The following METAP1D variants were observed in gnomAD, a reference collection of about 807,000 sequenced individuals.
METAP1D encodes the protein methionyl aminopeptidase type 1D, mitochondrial, also known as methionine aminopeptidase 1D, mitochondrial.
In METAP1D, 31 loss-of-function variants were observed where a neutral mutation model predicts 40.5. The observed-to-expected ratio is 0.77, with a 90% confidence interval of 0.58 to 1.03. The LOEUF (loss-of-function observed/expected upper bound fraction) is 1.03, where lower values mean the gene tolerates loss of function less well. Ranked by LOEUF, METAP1D falls within the 50% of genes least tolerant of loss-of-function variation. The pLI is 0.00. For synonymous variants in METAP1D, 151 were observed against 146.4 expected (o/e 1.03, Z -0.22); for missense variants, 411 against 420.7 (o/e 0.98, Z 0.20).
intron 7 of METAP1D, 41 bp from the exon 8 acceptor site, chr2:172,079,174 C>A (rs1404509378): frequency 2.5e-6 from 4 of 1,606,724 alleles, no homozygotes; most frequent in Non-Finnish European, 3.4e-6. Context: ...TTCTGTCCTC[C>A]CCATTTCCTA....
chr2:172,024,403 C>T (rs563001037), intron 1 of METAP1D, among the ~76,000 whole-genome samples: 1 of 152,124 alleles, frequency 6.6e-6, no homozygotes, highest in Admixed American at 6.6e-5. Context: ...TAGTTACCTG[C>T]TGAAAGACCA....
intron 1 of METAP1D, among the ~76,000 whole-genome samples, chr2:172,047,624 C>A (rs933504040): frequency 6.6e-6 from 1 of 152,016 alleles, no homozygotes; most frequent in African/African-American, 2.4e-5. Flanking sequence ...CATAGAGATG[C>A]GGTTTCACCA....
intron 1 of METAP1D, among the ~76,000 whole-genome samples, chr2:172,046,499 T>C (rs1257027246): frequency 6.6e-6 from 1 of 152,226 alleles, no homozygotes. Flanking sequence ...TATTAAACTC[T>C]TCAAATGGTA....
intron 3 of METAP1D, 24 bp from the exon 4 acceptor site, chr2:172,065,580 C>T (rs1559018360): frequency 6.2e-7 from 1 of 1,610,588 alleles, no homozygotes; most frequent in Admixed American, 1.7e-5. Context: ...TGTTGCTGCA[C>T]AATTTCTTTA....
At position 172,043,000 on chromosome 2, in the gene METAP1D, CATAT is replaced by C. The variant is rs202246130; in HGVS notation, c.41-18495_41-18492del. 2.8e-4 allele frequency among the ~76,000 whole-genome samples: 30 copies of C among 106,748 alleles called. 6 individuals are homozygous for C. The highest frequency in any genetic ancestry group is 1.2e-3 in the Admixed American group (14 of 11,382). The allele number at this position is 106,748 out of a possible 152,430, so 70.0% of individuals were successfully genotyped here. On this transcript the variant is annotated intron_variant, in intron 1 of 9. Transcript: ENST00000315796. Reference sequence around the variant, plus strand: ...GCATACATATGTGTGCGTGTGTACACATATATGTGTATGTGTACACATATATGTG... The same window carrying C: ...GCATACATATGTGTGCGTGTGTACACATGTGTATGTGTACACATATATGTG...
chr2:172,036,693 T>C (rs1689398882), intron 1 of METAP1D, among the ~76,000 whole-genome samples: 1 of 151,978 alleles, frequency 6.6e-6, no homozygotes. Context: ...TTACAAACAG[T>C]CTGAGTATGT....
intron 1 of METAP1D, among the ~76,000 whole-genome samples, chr2:172,056,976 A>C (rs1048822457): frequency 6.6e-6 from 1 of 152,188 alleles, no homozygotes. Flanking sequence ...GATAAAAAAA[A>C]CTGACCTTGA....
intron 1 of METAP1D, among the ~76,000 whole-genome samples, chr2:172,019,272 A>T (rs1388749189): frequency 2.6e-5 from 4 of 152,032 alleles, no homozygotes; most frequent in African/African-American, 9.7e-5. Flanking sequence ...GGATCACTTG[A>T]GCTGCCACTG....
At chr2:172,021,818 G>A (rs901399887) in intron 1 of METAP1D, 1 of 152,206 alleles carries the variant, frequency 6.6e-6, no homozygotes, top group Admixed American at 6.5e-5. Context: ...GAGGAGAGGG[G>A]AAAGGAGGAA....
rs1476456813 is a variant in METAP1D, at chr2:172,081,514, C to G, written c.*1108C>G. On this transcript the variant is annotated 3_prime_UTR_variant, in exon 10 of 10. Transcript: ENST00000315796. ...AGGAACAGGAATCCAAGGGCCCACG[C>G]TCTGTCTGCCAAGGGCCATTCCTGC... 1.3e-5 allele frequency: 2 copies of G among 152,308 alleles called. No individual in the cohort carries two copies. Among genetic ancestry groups the G allele is most frequent in the Non-Finnish European group, 2.9e-5 (2 of 68,094 alleles). The allele number at this position is 152,308 out of a possible 1,614,324, so 9.4% of individuals were successfully genotyped here.
chr2:172,066,266 G>A lies in METAP1D; in HGVS notation c.500G>A (p.Arg167Gln), dbSNP rs746479147. Residue 167 changes from arginine (R) to glutamine (Q), a missense_variant and splice_region_variant, in exon 5 of 10, where the codon CGA becomes CAA. By Grantham distance (43) the Arg-to-Gln change is conservative. Transcript: ENST00000315796. Reference protein sequence around the residue: ...NVLCHGIPDSRPLQDGDIINI... With the variant: ...NVLCHGIPDSQPLQDGDIINI... ...TTTTTTTTCTGTTTACGTTTTAGTCGACCTCTTCAGGATGGAGATATTATC... is the reference window on the plus strand; with the variant it reads ...TTTTTTTTCTGTTTACGTTTTAGTCAACCTCTTCAGGATGGAGATATTATC... 4.7e-5 allele frequency: 76 copies of A among 1,607,208 alleles called. No homozygotes were observed. Among genetic ancestry groups the A allele is most frequent in the South Asian group, 1.3e-4 (12 of 89,846 alleles).
In METAP1D at chr2:172,080,135, C is replaced by A. The variant is rs766275364; in HGVS notation, c.858C>A (p.Ile286=). The A allele has an allele frequency of 6.2e-7, 1 of 1,613,938 alleles. No individual in the cohort carries two copies. Among genetic ancestry groups the A allele is most frequent in the East Asian group, 2.2e-5 (1 of 44,894 alleles). ...EEGMAFTIEP[I]ITEGSPEFKV... Reference sequence around the variant, plus strand: ...ATATTTTTCCTCTTACAGAGCCAATCATCACGGAGGGATCCCCTGAATTTA... The same window carrying A: ...ATATTTTTCCTCTTACAGAGCCAATAATCACGGAGGGATCCCCTGAATTTA... Residue 286 remains isoleucine, a synonymous_variant, in exon 9 of 10, where the codon ATC becomes ATA. Transcript: ENST00000315796.
chr2:172,008,645 A>G (rs1031378818), intron 1 of METAP1D, among the ~76,000 whole-genome samples: 1 of 152,182 alleles, frequency 6.6e-6, no homozygotes, highest in Non-Finnish European at 1.5e-5. Context: ...CTAAAAATAG[A>G]ACAATTTTAA....
At chr2:172,004,589 T>C (rs962606795) in intron 1 of METAP1D, among the ~76,000 whole-genome samples, 2 of 152,176 alleles carry the variant, frequency 1.3e-5, no homozygotes, top group African/African-American at 2.4e-5. Flanking sequence ...CCTCCCAAAG[T>C]GCTGGGATTA....
rs1574142782 is a variant in METAP1D, at chr2:172,071,011, T to G, written c.645T>G (p.Asp215Glu). Residue 215 changes from aspartate (D) to glutamate (E), a missense_variant, in exon 6 of 10, where the codon GAT (aspartate) becomes GAG (glutamate). By Grantham distance (45) the Asp-to-Glu change is conservative (BLOSUM62 2). Coordinates refer to ENST00000315796, the MANE Select transcript of METAP1D (RefSeq NM_199227.3). ...KLVEVARRCR[D>E]EAIAACRAGA... Reference sequence around the variant, plus strand: ...TGGAGGTTGCCAGGAGGTGTAGAGATGAAGCAATTGCAGCTTGCAGAGCAG... The same window carrying G: ...TGGAGGTTGCCAGGAGGTGTAGAGAGGAAGCAATTGCAGCTTGCAGAGCAG... 1 of 1,613,062 alleles carries G rather than the reference T, an allele frequency of 6.2e-7. No homozygotes were observed. Among genetic ancestry groups the G allele is most frequent in the Non-Finnish European group, 8.5e-7 (1 of 1,179,370 alleles).
chr2:172,024,760 G>GTGTGTGTGTA (rs1553491381), intron 1 of METAP1D, among the ~76,000 whole-genome samples: 3,334 of 140,034 alleles, frequency 0.024, 46 homozygotes, highest in Admixed American at 0.031. Context: ...GTGTGTGTGT[G>GTGTGTGTGTA]TGTGTGTGTG....
intron 1 of METAP1D, among the ~76,000 whole-genome samples, chr2:172,018,436 A>T (rs1032302537): frequency 6.6e-6 from 1 of 152,200 alleles, no homozygotes; most frequent in Non-Finnish European, 1.5e-5. Context: ...GAAAGCAAGA[A>T]TTCCCAGGAA....
chr2:172,020,444 C>T (rs1295363041), intron 1 of METAP1D, among the ~76,000 whole-genome samples: 1 of 152,084 alleles, frequency 6.6e-6, no homozygotes, highest in East Asian at 1.9e-4. Context: ...TCTTTCGTGC[C>T]CACAATAAGA....
intron 1 of METAP1D, among the ~76,000 whole-genome samples, chr2:172,043,156 G>A (rs1689660469): frequency 7.9e-6 from 1 of 126,648 alleles, no homozygotes; most frequent in African/African-American, 2.6e-5. Context: ...TCCCCAGGCT[G>A]GTCTCAAACT....
Sources: gnomAD v4.1 joint callset for allele counts (sites outside exome capture counted in the v4.1 genomes callset) on GRCh38, gnomAD v4.1.1 for gene constraint, MANE v1.5 for transcripts, NCBI Gene and HGNC (gene_info 2026-07-23, HGNC 2026-07-21) for gene names.